The following MBD1 variants were observed in gnomAD, a reference collection of about 807,000 sequenced individuals.
The protein encoded by MBD1 is methyl-CpG binding domain protein 1, also known as methyl-CpG-binding domain protein 1.
Under a neutral mutation model 82.6 loss-of-function variants are expected in MBD1, and 25 were observed. That is an observed-to-expected ratio of 0.30 (90% CI 0.22 to 0.42). The LOEUF is 0.42. Ranked by LOEUF, MBD1 falls within the 10% of genes least tolerant of loss-of-function variation. MBD1 has a pLI of 1.00. For missense variants in MBD1, 627 were observed against 819.6 expected (o/e 0.76, Z 2.87); for synonymous variants, 301 against 303.7 (o/e 0.99, Z 0.09).
chr18:50,273,655 G>A lies in MBD1; in HGVS notation c.1355C>T (p.Pro452Leu). 6.2e-7 allele frequency: 1 copy of A among 1,614,038 alleles called. No individual in the cohort carries two copies. Among genetic ancestry groups the A allele is most frequent in the Non-Finnish European group, 8.5e-7 (1 of 1,180,042 alleles). ...EAGGGFVLPP[P>L]GTDLVFLREG... is the part of the protein sequence containing the mutation. ...CCGTAAAAACACAAGGTCAGTGCCA[G>A]GCGGGGGCAGCACAAAGCCACCACC... Residue 452 changes from proline (P) to leucine (L), a missense_variant, in exon 12 of 17, where the codon CCT (proline) becomes CTT (leucine). By Grantham distance (98) the Pro-to-Leu change is moderately conservative (BLOSUM62 -3). This residue lies in a region of MBD1 where 265 missense variants were observed against 278.4 expected (regional missense o/e 0.95). Transcript: ENST00000269468.
chr18:50,273,441 C>T lies in MBD1; in HGVS notation c.1477G>A (p.Val493Met), dbSNP rs774182305. The change falls in exon 13 of 17, where the codon GTG becomes ATG. Residue 493 changes from valine (V) to methionine (M), a missense_variant. By Grantham distance (21) the Val-to-Met change is conservative. Transcript: ENST00000269468. Reference protein sequence around the residue: ...EAQCSGLSWVVALPQVKQEKA... With the variant: ...EAQCSGLSWVMALPQVKQEKA... ...TCTTGCTTCACCTGGGGTAAGGCCA[C>T]AACCCAACTCAGGCCAGAGCACTGG... The T allele has an allele frequency of 6.2e-7, 1 of 1,614,204 alleles. No individual in the cohort carries two copies. Among genetic ancestry groups the T allele is most frequent in the African/African-American group, 1.3e-5 (1 of 75,054 alleles).
chr18:50,278,487 T>C (rs1345939095), intron 2 of MBD1, among the ~76,000 whole-genome samples: 1 of 152,258 alleles, frequency 6.6e-6, no homozygotes, highest in Admixed American at 6.5e-5. Flanking sequence ...TTCTTTATAG[T>C]TCTTGACAAC....
At chr18:50,275,789 C>G in intron 7 of MBD1, 46 bp downstream of exon 7, 1 of 1,614,146 alleles carries the variant, frequency 6.2e-7, no homozygotes, top group Non-Finnish European at 8.5e-7. Flanking sequence ...CCATGGGGGC[C>G]AGGGGCCGAG....
intron 16 of MBD1, 125 bp downstream of exon 16, chr18:50,271,344 C>A (rs2035438020): frequency 1.9e-6 from 3 of 1,580,832 alleles, no homozygotes; most frequent in Non-Finnish European, 2.6e-6. Flanking sequence ...TAGGCCTGCT[C>A]TTCTGGTTTG....
At position 50,281,456 on chromosome 18, in the gene MBD1, TTCC is replaced by T. The variant is rs1219174929; in HGVS notation, c.-122_-120del. 79 of 589,870 alleles carry T rather than the reference TTCC, an allele frequency of 1.3e-4. 1 individual carries two copies. The highest frequency in any genetic ancestry group is 1.3e-3 in the South Asian group (64 of 49,816). 36.5% of individuals were successfully genotyped at this position (589,870 alleles called of 1,614,324 possible). A position where few individuals can be genotyped will look rare whatever the true frequency, so the allele number is the denominator to read the frequency against. ...CACCTCCCGCCTCGCCCTCCTCCCCTTCCTCCTCCTCCGCGGCCGCCTCCTCTG... is the reference window on the plus strand; with the variant it reads ...CACCTCCCGCCTCGCCCTCCTCCCCTTCCTCCTCCGCGGCCGCCTCCTCTG... On this transcript the variant is annotated 5_prime_UTR_variant, in exon 1 of 17. Coordinates refer to ENST00000269468, the MANE Select transcript of MBD1 (RefSeq NM_015846.4).
At position 50,274,086 on chromosome 18, in the gene MBD1, T is replaced by G; in HGVS notation, c.1146+100A>C. ...TCTGTTAATCCTCAACCAAAGCTAC[T>G]GCCCCACCCACCCACCTACCAAGCC... On this transcript the variant is annotated intron_variant, in intron 11 of 16. Transcript: ENST00000269468. 15 of 1,516,640 alleles carry G rather than the reference T, an allele frequency of 9.9e-6. 1 individual carries two copies. The South Asian group carries it at 1.6e-4, about 16-fold the overall frequency. The allele number at this position is 1,516,640 out of a possible 1,614,324, so 93.9% of individuals were successfully genotyped here.
At chr18:50,281,548 T>A (rs1599631536), upstream of MBD1, 2 of 575,400 alleles carry the variant, frequency 3.5e-6, no homozygotes, top group East Asian at 5.8e-5. Flanking sequence ...GCTGCCTGCC[T>A]CTCGGGCTCC....
intron 13 of MBD1, 44 bp downstream of exon 13, chr18:50,273,290 C>G (rs770663452): frequency 6.2e-7 from 1 of 1,611,520 alleles, no homozygotes; most frequent in Non-Finnish European, 8.5e-7. Flanking sequence ...TGCTTACAGA[C>G]CACTCCGCTA....
chr18:50,275,290 C>T (rs1403645289), intron 8 of MBD1, 45 bp from the exon 9 acceptor site: 3 of 1,611,246 alleles, frequency 1.9e-6, no homozygotes, highest in Admixed American at 1.7e-5. Flanking sequence ...TGGCACCAGG[C>T]AGACACAGAA....
At chr18:50,272,062 G>A (rs79967620) in intron 15 of MBD1, among the ~76,000 whole-genome samples, 1,766 of 152,264 alleles carry the variant, frequency 0.012, 24 homozygotes, top group African/African-American at 0.04. Flanking sequence ...GGCATCTGAA[G>A]TTAATAACCT....
chr18:50,267,540 G>T, downstream of MBD1: 1 of 1,240,294 alleles, frequency 8.1e-7, no homozygotes, highest in Non-Finnish European at 1.1e-6. Context: ...CAGAAGTCCA[G>T]TAACTGGTTT....
At position 50,281,150 on chromosome 18, in the gene MBD1, C is replaced by T. The variant is rs1251515648; in HGVS notation, c.-26+213G>A. 46 of 1,533,228 alleles carry T rather than the reference C, an allele frequency of 3.0e-5. No individual in the cohort carries two copies. The Admixed American group carries it at 9.0e-4, about 30-fold the overall frequency. 95.0% of individuals were successfully genotyped at this position (1,533,228 alleles called of 1,614,324 possible). On this transcript the variant is annotated intron_variant, in intron 1 of 16. Transcript: ENST00000269468. ...TTCCTCTCCGTCCTCGTCCCAGGATCCCGACACTCCTACCTGTCAGAGTTC... is the reference window on the plus strand; with the variant it reads ...TTCCTCTCCGTCCTCGTCCCAGGATTCCGACACTCCTACCTGTCAGAGTTC...
downstream of MBD1, among the ~76,000 whole-genome samples, chr18:50,268,117 T>C (rs139350012): frequency 8.5e-5 from 13 of 152,386 alleles, no homozygotes; most frequent in East Asian, 2.5e-3. Context: ...GGGGCGGTTC[T>C]TTGATCTTCG....
At chr18:50,275,525 G>C in intron 8 of MBD1, 75 bp downstream of exon 8, 1 of 1,611,476 alleles carries the variant, frequency 6.2e-7, no homozygotes, top group East Asian at 2.2e-5. Flanking sequence ...GGTAGGCAAG[G>C]CCAGGTTGAA....
Position 50,276,434 on chromosome 18 carries a change from G to A in MBD1, c.476-16C>T, listed in dbSNP as rs1291776066. 5 of 1,613,868 alleles carry A rather than the reference G, an allele frequency of 3.1e-6. No homozygotes were observed. The Admixed American group carries it at 8.3e-5, about 27-fold the overall frequency. On this transcript the variant is annotated splice_polypyrimidine_tract_variant and intron_variant, in intron 5 of 16. Coordinates refer to ENST00000269468, the MANE Select transcript of MBD1 (RefSeq NM_015846.4). ...ATTCTCTGTGCTGTGGGGAGGAAGA[G>A]GGAAGAAGAAAAGTGGAAAGGAAGC...
intron 6 of MBD1, 198 bp from the exon 7 acceptor site, chr18:50,276,179 C>G: frequency 1.2e-6 from 1 of 814,898 alleles, no homozygotes; most frequent in Non-Finnish European, 2.0e-6. Flanking sequence ...CACTTCATCA[C>G]TGTGTCTACT....
chr18:50,273,119 C>A (rs1370853625), intron 13 of MBD1, 164 bp from the exon 14 acceptor site: 2 of 1,209,758 alleles, frequency 1.7e-6, no homozygotes, highest in East Asian at 2.5e-5. Flanking sequence ...CCATTCCTCA[C>A]TGACCTCCGT....
Position 50,275,156 on chromosome 18 carries a change from T to C in MBD1, c.882A>G (p.Pro294=), listed in dbSNP as rs756830479. The change falls in exon 9 of 17, where the codon CCA becomes CCG. Residue 294 remains proline, a synonymous_variant. Coordinates refer to ENST00000269468, the MANE Select transcript of MBD1 (RefSeq NM_015846.4). ...PGAQPLPPPP[P]SQSPEPTEPH... is the part of the protein sequence containing the mutation. ...GCTCTGTGGGCTCTGGGGACTGTGA[T>C]GGGGGTGGTGGAGGCAGTGGCTGGG... The C allele has an allele frequency of 6.2e-6, 10 of 1,613,926 alleles. No homozygotes were observed. Among genetic ancestry groups the C allele is most frequent in the Admixed American group, 1.7e-5 (1 of 60,014 alleles).
intron 2 of MBD1, among the ~76,000 whole-genome samples, chr18:50,279,386 C>A (rs2039329776): frequency 2.0e-5 from 3 of 152,200 alleles, no homozygotes; most frequent in Admixed American, 1.3e-4. Context: ...GAACTTACAG[C>A]CAACAGCATT....
Sources: allele counts gnomAD v4.1 joint callset (sites outside exome capture counted in the v4.1 genomes callset), GRCh38; gene constraint gnomAD v4.1.1; regional missense constraint gnomAD v4.1.1; transcripts MANE v1.5; gene names NCBI Gene and HGNC (gene_info 2026-07-23, HGNC 2026-07-21).